Variants in KHDRBS2 observed in about 807,000 individuals in gnomAD.
KHDRBS2 encodes the protein KH domain-containing, RNA-binding, signal transduction-associated protein 2.
A neutral mutation model predicts 44.3 loss-of-function variants in KHDRBS2; 26 were observed. The ratio of observed to expected loss-of-function variants is 0.59; its 90% confidence interval spans 0.43 to 0.81. KHDRBS2 has a LOEUF of 0.81. Ranked by LOEUF, KHDRBS2 falls within the 40% of genes least tolerant of loss-of-function variation. The pLI is 0.00. For missense variants in KHDRBS2, 476 were observed against 433.1 expected (o/e 1.10, Z -0.88); for synonymous variants, 194 against 151.1 (o/e 1.28, Z -2.08).
intron 6 of KHDRBS2, among the ~76,000 whole-genome samples, chr6:61,744,916 C>T (rs1373533848): frequency 1.3e-5 from 2 of 152,098 alleles, no homozygotes; most frequent in African/African-American, 4.8e-5. Context: ...ACATTTACTA[C>T]CGAAACTTTC....
chr6:61,736,222 A>ACACACT (rs1452107602), intron 6 of KHDRBS2, among the ~76,000 whole-genome samples: 1 of 150,306 alleles, frequency 6.7e-6, no homozygotes, highest in African/African-American at 2.5e-5. Flanking sequence ...TCACACACAC[A>ACACACT]CACACACACA....
chr6:61,577,261 C>T, the KHDRBS2 span, among the ~76,000 whole-genome samples: 1 of 151,936 alleles, frequency 6.6e-6, no homozygotes, highest in Non-Finnish European at 1.5e-5. Flanking sequence ...TTTACAAATG[C>T]TGCAGGTTGG....
At chr6:61,940,155 T>G (rs915676571) in intron 4 of KHDRBS2, among the ~76,000 whole-genome samples, 1 of 151,900 alleles carries the variant, frequency 6.6e-6, no homozygotes, top group Non-Finnish European at 1.5e-5. Context: ...AAAATATATT[T>G]AACGGAACAA....
chr6:62,285,116 T>C lies in KHDRBS2; in HGVS notation c.91+742A>G, dbSNP rs186928024. On this transcript the variant is annotated intron_variant, in intron 1 of 8. Coordinates refer to ENST00000281156, the MANE Select transcript of KHDRBS2 (RefSeq NM_152688.4). ...ATTCGGTTAATAAAGTTCATGTGTC[T>C]TTTTTCAAAAAAAAACCTTTCAAAG... Among the ~76,000 whole-genome samples, 341 of 152,172 alleles carry C rather than the reference T, an allele frequency of 2.2e-3. 4 individuals carry two copies. Among genetic ancestry groups the C allele is most frequent in the African/African-American group, 7.7e-3 (320 of 41,558 alleles).
intron 6 of KHDRBS2, among the ~76,000 whole-genome samples, chr6:61,871,008 T>G (rs751955435): frequency 7.9e-5 from 12 of 152,152 alleles, no homozygotes; most frequent in Non-Finnish European, 1.3e-4. Context: ...GAGAATGAGT[T>G]TGACGCACTG....
intron 3 of KHDRBS2, among the ~76,000 whole-genome samples, chr6:62,003,997 T>A (rs1342093668): frequency 2.0e-5 from 3 of 152,136 alleles, no homozygotes; most frequent in Non-Finnish European, 4.4e-5. Context: ...GGGACACATT[T>A]AAAGCAGTAT....
chr6:62,216,696 CTT>C (rs562340356), intron 1 of KHDRBS2, among the ~76,000 whole-genome samples: 7 of 140,118 alleles, frequency 5.0e-5, no homozygotes, highest in African/African-American at 1.0e-4. Context: ...TCTTTCTCCT[CTT>C]TTTTTTTTTT....
intron 1 of KHDRBS2, among the ~76,000 whole-genome samples, chr6:62,257,359 C>T (rs568196194): frequency 2.6e-5 from 4 of 152,100 alleles, no homozygotes; most frequent in African/African-American, 9.6e-5. Context: ...CACACTGATT[C>T]CTTCTTTTGT....
At chr6:61,830,911 A>T (rs971561383) in intron 6 of KHDRBS2, among the ~76,000 whole-genome samples, 2 of 152,172 alleles carry the variant, frequency 1.3e-5, no homozygotes, top group African/African-American at 4.8e-5. Flanking sequence ...ATGATGATAG[A>T]CTATTATTTT....
At chr6:61,688,370 G>C (rs961597422) in intron 8 of KHDRBS2, among the ~76,000 whole-genome samples, 1 of 151,906 alleles carries the variant, frequency 6.6e-6, no homozygotes, top group Non-Finnish European at 1.5e-5. Flanking sequence ...CAAATAAAAT[G>C]CTGAATCATT....
chr6:61,728,894 T>G (rs1774001087), intron 7 of KHDRBS2, among the ~76,000 whole-genome samples: 1 of 152,148 alleles, frequency 6.6e-6, no homozygotes, highest in Admixed American at 6.6e-5. Context: ...TTAGATTAGT[T>G]CAGCCATTGT....
chr6:61,918,688 T>C (rs1807477036), intron 4 of KHDRBS2, among the ~76,000 whole-genome samples: 1 of 152,086 alleles, frequency 6.6e-6, no homozygotes, highest in East Asian at 1.9e-4. Flanking sequence ...ACAGGCTGTA[T>C]GGGTGCTATT....
At chr6:61,715,433 C>A (rs749219921) in intron 7 of KHDRBS2, among the ~76,000 whole-genome samples, 1 of 151,862 alleles carries the variant, frequency 6.6e-6, no homozygotes, top group South Asian at 2.1e-4. Flanking sequence ...CAGCTATATG[C>A]CCCAACACTT....
chr6:62,071,772 C>A (rs138507997), intron 2 of KHDRBS2, among the ~76,000 whole-genome samples: 4 of 151,988 alleles, frequency 2.6e-5, no homozygotes, highest in African/African-American at 9.7e-5. Context: ...AGTCAGGTAG[C>A]GTGATGCCTC....
At chr6:61,933,954 C>G (rs1427868845) in intron 4 of KHDRBS2, among the ~76,000 whole-genome samples, 3 of 152,122 alleles carry the variant, frequency 2.0e-5, no homozygotes, top group Non-Finnish European at 4.4e-5. Flanking sequence ...ATATCCTCAT[C>G]AAAACTGGCT....
intron 2 of KHDRBS2, among the ~76,000 whole-genome samples, chr6:62,127,883 T>C (rs1200322916): frequency 1.3e-5 from 2 of 152,198 alleles, no homozygotes; most frequent in East Asian, 1.9e-4. Flanking sequence ...AATTGGTTCA[T>C]TTATTCAATC....
At chr6:62,185,517 C>A (rs1295028111) in intron 1 of KHDRBS2, among the ~76,000 whole-genome samples, 1 of 151,826 alleles carries the variant, frequency 6.6e-6, no homozygotes, top group Admixed American at 6.6e-5. Flanking sequence ...TTATTGAAGG[C>A]ATAAGAGACT....
At chr6:62,181,138 A>G (rs777654815) in intron 1 of KHDRBS2, among the ~76,000 whole-genome samples, 2 of 151,980 alleles carry the variant, frequency 1.3e-5, no homozygotes, top group Non-Finnish European at 2.9e-5. Flanking sequence ...GGTGTGGGGA[A>G]TAATTTCTTA....
chr6:61,891,217 T>C (rs1801776540), intron 6 of KHDRBS2, among the ~76,000 whole-genome samples: 1 of 152,054 alleles, frequency 6.6e-6, no homozygotes, highest in South Asian at 2.1e-4. Flanking sequence ...GCTGGAGAGG[T>C]TAAAGGCAAA....
Sources: gnomAD v4.1 joint callset for allele counts (sites outside exome capture counted in the v4.1 genomes callset) on GRCh38, gnomAD v4.1.1 for gene constraint, MANE v1.5 for transcripts, NCBI Gene and HGNC (gene_info 2026-07-23, HGNC 2026-07-21) for gene names.